The following PCBP3 variants were observed in gnomAD, a reference collection of about 807,000 sequenced individuals.
The protein encoded by PCBP3 is poly(rC)-binding protein 3.
PCBP3 carries 25 observed loss-of-function variants against 52.7 expected under a neutral mutation model. That is an observed-to-expected ratio of 0.47 (90% CI 0.35 to 0.66). The LOEUF (loss-of-function observed/expected upper bound fraction) is 0.66. Among genes scored for constraint, PCBP3 ranks in the 30% least tolerant of loss-of-function variants. PCBP3 has a pLI of 0.01. For missense variants in PCBP3, 391 were observed against 490.3 expected, an observed-to-expected ratio of 0.80 and a Z score of 1.91; for synonymous variants, 162 against 183.0, an observed-to-expected ratio of 0.89 and a Z score of 0.93.
chr21:45,744,404 C>T (rs1229632550), intron 3 of PCBP3: 1 of 152,106 alleles, frequency 6.6e-6, no homozygotes, highest in Non-Finnish European at 1.5e-5. Context: ...CTTAGATGCT[C>T]AGGCTAGTCT....
intron 9 of PCBP3, among the ~76,000 whole-genome samples, chr21:45,906,399 G>T: frequency 6.8e-6 from 1 of 147,832 alleles, no homozygotes; most frequent in South Asian, 2.3e-4. Context: ...GGTAGGAGCC[G>T]TAGGGGTGGG....
rs538150057 is a variant in PCBP3 at position 45,770,457 on chromosome 21, T to C, written c.-126+15005T>C. ...TTCTTTTTGTGCATATTTCTGAACA[T>C]GCATTCTTCTACCTTCTGCTGTGTT... On this transcript the variant is annotated intron_variant, in intron 4 of 17. Transcript: ENST00000681687. Among the ~76,000 whole-genome samples, 18 of 152,360 alleles carry C rather than the reference T, an allele frequency of 1.2e-4. 1 individual carries two copies. Among genetic ancestry groups the C allele is most frequent in the African/African-American group, 4.3e-4 (18 of 41,584 alleles).
chr21:45,745,832 CCACACTTCAGAGTGAGG>C (rs1159074148), intron 3 of PCBP3, among the ~76,000 whole-genome samples: 1 of 152,244 alleles, frequency 6.6e-6, no homozygotes, highest in East Asian at 1.9e-4. Flanking sequence ...TGGGGGTCAC[CCACACTTCAGAGTGAGG>C]CGCACTTGCA....
intron 1 of PCBP3, among the ~76,000 whole-genome samples, 184 bp downstream of exon 1, chr21:45,644,052 C>G (rs2079089892): frequency 6.7e-6 from 1 of 149,850 alleles, no homozygotes; most frequent in African/African-American, 2.4e-5. Context: ...CCTGCGGCGG[C>G]CCGGGGCAGC....
chr21:45,938,412 C>A (rs1010156331), intron 16 of PCBP3, among the ~76,000 whole-genome samples: 6 of 152,178 alleles, frequency 3.9e-5, no homozygotes, highest in African/African-American at 1.4e-4. Context: ...CAGCTATGTT[C>A]CCCCTCCCCA....
chr21:45,766,991 C>G (rs2089400465), intron 4 of PCBP3, among the ~76,000 whole-genome samples: 1 of 152,212 alleles, frequency 6.6e-6, no homozygotes, highest in Admixed American at 6.5e-5. Flanking sequence ...CTCACTAACA[C>G]AGTACTCAGT....
intron 15 of PCBP3, among the ~76,000 whole-genome samples, chr21:45,933,131 A>C (rs1393431072): frequency 1.3e-5 from 2 of 151,164 alleles, no homozygotes; most frequent in African/African-American, 4.9e-5. Context: ...GAATGAACAC[A>C]TTGGCCATGC....
chr21:45,903,290 C>G (rs776080437), intron 9 of PCBP3, among the ~76,000 whole-genome samples: 3 of 152,114 alleles, frequency 2.0e-5, no homozygotes, highest in Non-Finnish European at 4.4e-5. Context: ...GCCAGTTGCC[C>G]CATGCAGGTT....
intron 5 of PCBP3, among the ~76,000 whole-genome samples, chr21:45,881,174 A>G (rs1396932119): frequency 6.6e-6 from 1 of 152,136 alleles, no homozygotes; most frequent in Admixed American, 6.5e-5. Context: ...ATGCATTGAT[A>G]TGATTGTGTG....
Position 45,821,873 on chromosome 21 carries a change from C to T in PCBP3, c.-125-28088C>T, listed in dbSNP as rs565070430. ...AGCACCGGCAGTGTCAGGGAGGCAC[C>T]GCCCAGGGGAGGCTCCTCCTTAGGG... On this transcript the variant is annotated intron_variant, in intron 4 of 17. Coordinates refer to ENST00000681687, the MANE Select transcript of PCBP3 (RefSeq NM_001384156.1). This position sits in a 1 kb window ranked among gnomAD's most constrained non-coding sequence, Gnocchi z 4.4. Among the ~76,000 whole-genome samples the T allele has an allele frequency of 7.2e-5, 11 of 152,342 alleles. No individual in the cohort carries two copies. In the South Asian group the frequency reaches 1.2e-3, roughly 17 times the overall value.
At chr21:45,784,260 A>G (rs553835045) in intron 4 of PCBP3, among the ~76,000 whole-genome samples, 1 of 152,270 alleles carries the variant, frequency 6.6e-6, no homozygotes, top group Admixed American at 6.5e-5. Context: ...GCAGGTATAG[A>G]AAAGGCATGA....
chr21:45,644,597 A>G (rs2079136628), intron 1 of PCBP3, among the ~76,000 whole-genome samples: 1 of 152,134 alleles, frequency 6.6e-6, no homozygotes, highest in Non-Finnish European at 1.5e-5. Flanking sequence ...AAAGTTAACC[A>G]AAAGTCGGGT....
At chr21:45,832,429 A>G (rs1386407466) in intron 4 of PCBP3, among the ~76,000 whole-genome samples, 1 of 152,300 alleles carries the variant, frequency 6.6e-6, no homozygotes, top group Non-Finnish European at 1.5e-5. Flanking sequence ...ATGCAGCCCA[A>G]CAGGTCTCAG....
At chr21:45,840,613 A>G (rs1292145583) in intron 4 of PCBP3, among the ~76,000 whole-genome samples, 1 of 152,162 alleles carries the variant, frequency 6.6e-6, no homozygotes, top group Admixed American at 6.5e-5. Flanking sequence ...CCACTCACTC[A>G]TGGACTCACC....
intron 4 of PCBP3, among the ~76,000 whole-genome samples, chr21:45,771,801 A>C (rs59132102): frequency 2.0e-5 from 3 of 152,178 alleles, no homozygotes; most frequent in Non-Finnish European, 2.9e-5. Flanking sequence ...AAAAAGAAGA[A>C]GTAAAACTGT....
rs1005177012 is a variant in PCBP3 at position 45,901,050 on chromosome 21, C to T, written c.276C>T (p.Thr92=). The change falls in exon 9 of 18, where the codon ACC becomes ACT. Residue 92 remains threonine (T), a synonymous_variant. Coordinates refer to ENST00000681687, the MANE Select transcript of PCBP3 (RefSeq NM_001384156.1). ...SEGNCPERIV[T]ITGPTDAIFK... The stretch of plus-strand genomic sequence containing the variant: ...GAAACTGCCCAGAGAGGATTGTGAC[C>T]ATCACAGGCCCCACAGACGCCATCT... 4 of 1,613,934 alleles carry T rather than the reference C, an allele frequency of 2.5e-6. No homozygotes were observed. The highest frequency in any genetic ancestry group is 2.7e-5 in the African/African-American group (2 of 74,922).
At chr21:45,930,706 T>C in intron 14 of PCBP3, 80 bp from the exon 15 acceptor site, 1 of 726,060 alleles carries the variant, frequency 1.4e-6, no homozygotes, top group East Asian at 2.5e-5. Flanking sequence ...CCAGTCATAT[T>C]TTGAGCTTCC....
At chr21:45,867,968 A>C (rs905518265) in intron 5 of PCBP3, among the ~76,000 whole-genome samples, 1 of 152,246 alleles carries the variant, frequency 6.6e-6, no homozygotes, top group East Asian at 1.9e-4. Context: ...AAAGCTGGAC[A>C]AAAAAAGGCG....
At chr21:45,912,722 G>A (rs891628727) in intron 11 of PCBP3, among the ~76,000 whole-genome samples, 5 of 152,180 alleles carry the variant, frequency 3.3e-5, no homozygotes, top group African/African-American at 1.2e-4. Flanking sequence ...GGTGGGGGTC[G>A]AGGGCCCATA....
Sources: gnomAD v4.1 joint callset for allele counts (sites outside exome capture counted in the v4.1 genomes callset) on GRCh38, gnomAD v4.1.1 for gene constraint, Gnocchi (gnomAD v3.1) non-coding constraint, MANE v1.5 for transcripts, NCBI Gene and HGNC (gene_info 2026-07-23, HGNC 2026-07-21) for gene names.